The following DET1 variants were observed in gnomAD, a reference collection of about 807,000 sequenced individuals.
The protein encoded by DET1 is DET1 partner of COP1 E3 ubiquitin ligase, also known as DET1 homolog.
Under a neutral mutation model 43.7 loss-of-function variants are expected in DET1, and 22 were observed. The observed-to-expected ratio is 0.50, with a 90% CI of 0.36 to 0.72. The LOEUF is 0.72. Among genes scored for constraint, DET1 ranks in the 30% least tolerant of loss-of-function variants. The pLI is 0.00. For missense variants in DET1, 713 were observed against 713.3 expected (o/e 1.00, Z 0.00); for synonymous variants, 315 against 266.2 (o/e 1.18, Z -1.79).
In DET1 at chr15:88,512,626, T is replaced by A; in HGVS notation, c.*325A>T. On this transcript the variant is annotated 3_prime_UTR_variant, in exon 5 of 5. Transcript: ENST00000268148. ...AAACCATAATGCCGAAGAAGTGACATGAAGGGGATAAAAGTCTAATGCTTT... is the reference window on the plus strand; with the variant it reads ...AAACCATAATGCCGAAGAAGTGACAAGAAGGGGATAAAAGTCTAATGCTTT... The A allele has an allele frequency of 1.9e-6, 2 of 1,068,266 alleles. No individual in the cohort carries two copies. The highest frequency in any genetic ancestry group is 2.3e-6 in the Non-Finnish European group (2 of 883,506). 66.2% of individuals were successfully genotyped at this position (1,068,266 alleles called of 1,614,324 possible).
intron 3 of DET1, among the ~76,000 whole-genome samples, chr15:88,525,635 T>G (rs775499036): frequency 6.6e-6 from 1 of 152,070 alleles, no homozygotes; most frequent in Non-Finnish European, 1.5e-5. Context: ...CTTTGATGTT[T>G]TGAGTGAGTG....
At position 88,527,627 on chromosome 15, in the gene DET1, T is replaced by A; in HGVS notation, c.1243A>T (p.Asn415Tyr). 1 of 1,609,072 alleles carries A rather than the reference T, an allele frequency of 6.2e-7. No homozygotes were observed. Among genetic ancestry groups the A allele is most frequent in the Non-Finnish European group, 8.5e-7 (1 of 1,177,384 alleles). ...CGCTGGATCTGCCTTGCAAAATTGT[T>A]GCTAGAAGCTGAGCAGGGAAACTGA... ...EVQFPCSASS[N>Y]NFARQIQRRF... The change falls in exon 3 of 5, where the codon AAC (asparagine) becomes TAC (tyrosine). Residue 415 changes from asparagine (N) to tyrosine (Y), a missense_variant. Physicochemically the swap from Asn to Tyr is moderately radical, Grantham distance 143. Transcript: ENST00000268148.
intron 4 of DET1, among the ~76,000 whole-genome samples, chr15:88,514,997 A>G (rs2056301825): frequency 6.6e-6 from 1 of 152,158 alleles, no homozygotes; most frequent in Admixed American, 6.5e-5. Flanking sequence ...TTTTATGTAT[A>G]AAAAACACAT....
intron 3 of DET1, among the ~76,000 whole-genome samples, chr15:88,525,601 A>T (rs1197053674): frequency 6.6e-6 from 1 of 152,150 alleles, no homozygotes; most frequent in Non-Finnish European, 1.5e-5. Context: ...CCCTGCCCTC[A>T]TGGAGCTTAT....
chr15:88,509,914 GAAAC>G (rs1157727990), downstream of DET1, among the ~76,000 whole-genome samples: 4 of 152,226 alleles, frequency 2.6e-5, no homozygotes, highest in Admixed American at 2.6e-4. Context: ...GAATGGCAAA[GAAAC>G]AAGATGGAAG....
At chr15:88,511,230 C>T (rs536243125), downstream of DET1, among the ~76,000 whole-genome samples, 70 of 152,244 alleles carry the variant, frequency 4.6e-4, no homozygotes, top group African/African-American at 1.6e-3. Flanking sequence ...CCTGGCCTCT[C>T]CCTCTACTCT....
chr15:88,541,876 T>C (rs2057115406), intron 1 of DET1, among the ~76,000 whole-genome samples: 1 of 152,158 alleles, frequency 6.6e-6, no homozygotes, highest in African/African-American at 2.4e-5. Context: ...ACATGTCTCT[T>C]CGAGGAGACG....
chr15:88,544,405 C>G (rs1312144054), intron 1 of DET1, among the ~76,000 whole-genome samples: 1 of 152,170 alleles, frequency 6.6e-6, no homozygotes, highest in African/African-American at 2.4e-5. Flanking sequence ...GCCTATCTTG[C>G]TTAAGCTAAG....
At position 88,515,538 on chromosome 15, in the gene DET1, T is replaced by TAAAAAAAAAAAAAA. The variant is rs1491544233; in HGVS notation, c.1463+1243_1463+1244insTTTTTTTTTTTTTT. Among the ~76,000 whole-genome samples, 174 of 47,478 alleles carry TAAAAAAAAAAAAAA rather than the reference T, an allele frequency of 3.7e-3. 78 individuals are homozygous for TAAAAAAAAAAAAAA. Among genetic ancestry groups the TAAAAAAAAAAAAAA allele is most frequent in the East Asian group, 4.2e-3 (5 of 1,180 alleles). The allele number at this position is 47,478 out of a possible 152,430, so 31.1% of individuals were successfully genotyped here. On this transcript the variant is annotated intron_variant, in intron 4 of 4. Transcript: ENST00000268148. Reference sequence around the variant, plus strand: ...TGGGCAACAGACAGAGACTCCGTCTTATAAAAAAAAAAAAAAAAAAAAAAA... The same window carrying TAAAAAAAAAAAAAA: ...TGGGCAACAGACAGAGACTCCGTCTTAAAAAAAAAAAAAAATAAAAAAAAAAAAAAAAAAAAAAA...
At chr15:88,536,770 CAAAA>C (rs58177778) in intron 1 of DET1, among the ~76,000 whole-genome samples, 1 of 48,078 alleles carries the variant, frequency 2.1e-5, no homozygotes, top group African/African-American at 8.7e-5. Context: ...GACTCCATCT[CAAAA>C]AAAAAAAAAA....
intron 1 of DET1, among the ~76,000 whole-genome samples, chr15:88,536,707 G>T (rs1348046855): frequency 6.9e-6 from 1 of 144,038 alleles, no homozygotes; most frequent in Non-Finnish European, 1.5e-5. Flanking sequence ...GGAGGCAGAG[G>T]TTGCAGTGAG....
chr15:88,517,233 T>G (rs1486717219), intron 3 of DET1, among the ~76,000 whole-genome samples: 5 of 150,730 alleles, frequency 3.3e-5, no homozygotes, highest in Admixed American at 6.6e-5. Context: ...GGTTTTTTTT[T>G]TTTTTTTTTT....
chr15:88,505,971 G>A (rs1378848314), intron 7 of DET1, among the ~76,000 whole-genome samples: 1 of 152,156 alleles, frequency 6.6e-6, no homozygotes, highest in African/African-American at 2.4e-5. Context: ...TGACATGGGT[G>A]GGCAGGGGTT....
intron 2 of DET1, among the ~76,000 whole-genome samples, chr15:88,530,043 T>C (rs1166324037): frequency 1.3e-5 from 2 of 152,240 alleles, no homozygotes; most frequent in Non-Finnish European, 2.9e-5. Context: ...ACCTCTTCAC[T>C]GCTCTACAAC....
intron 7 of DET1, chr15:88,505,127 A>G (rs973492953): frequency 2.2e-4 from 34 of 152,238 alleles, no homozygotes; most frequent in African/African-American, 8.2e-4. Flanking sequence ...GAAATTAATC[A>G]GCTCCTGTTC....
chr15:88,525,926 T>A (rs1383536867), intron 3 of DET1, among the ~76,000 whole-genome samples: 1 of 151,322 alleles, frequency 6.6e-6, no homozygotes, highest in Non-Finnish European at 1.5e-5. Context: ...TCCACCTGGC[T>A]TGGACTTCCA....
chr15:88,542,724 A>G (rs1279163535), intron 1 of DET1, among the ~76,000 whole-genome samples: 1 of 152,188 alleles, frequency 6.6e-6, no homozygotes, highest in East Asian at 1.9e-4. Flanking sequence ...AATCTTACTA[A>G]TGGCTATCCA....
At position 88,531,059 on chromosome 15, in the gene DET1, A is replaced by C; in HGVS notation, c.647T>G (p.Leu216Trp). The C allele has an allele frequency of 6.2e-7, 1 of 1,613,922 alleles. No individual in the cohort carries two copies. The highest frequency in any genetic ancestry group is 1.3e-5 in the African/African-American group (1 of 75,066). ...CAAGTACAGCCCTTGGTTGTGTGACAAGACCACCTTGTCACACTTGAACGT... is the reference window on the plus strand; with the variant it reads ...CAAGTACAGCCCTTGGTTGTGTGACCAGACCACCTTGTCACACTTGAACGT... Reference protein sequence around the residue: ...TRTFKCDKVVLSHNQGLYLYK... With the variant: ...TRTFKCDKVVWSHNQGLYLYK... The change falls in exon 2 of 5, where the codon TTG becomes TGG. Residue 216 changes from leucine (L) to tryptophan (W), a missense_variant. Leu to Trp is a moderately conservative substitution (Grantham distance 61). Transcript: ENST00000268148. This position sits in a 1 kb window ranked among gnomAD's most constrained non-coding sequence, Gnocchi z 6.2.
At chr15:88,519,198 G>C (rs1180949262) in intron 3 of DET1, among the ~76,000 whole-genome samples, 3 of 152,096 alleles carry the variant, frequency 2.0e-5, no homozygotes, top group Non-Finnish European at 4.4e-5. Context: ...TTCCTCCACA[G>C]CACCTACCAC....
Sources: gnomAD v4.1 joint callset for allele counts (sites outside exome capture counted in the v4.1 genomes callset) on GRCh38, gnomAD v4.1.1 for gene constraint, Gnocchi (gnomAD v3.1) non-coding constraint, MANE v1.5 for transcripts, NCBI Gene and HGNC (gene_info 2026-07-23, HGNC 2026-07-21) for gene names.